The following ZBTB25 variants were observed in gnomAD, a reference collection of about 807,000 sequenced individuals.
ZBTB25 encodes the protein zinc finger and BTB domain containing 25.
A neutral mutation model predicts 34.2 loss-of-function variants in ZBTB25; 20 were observed. That is an observed-to-expected ratio of 0.58 (90% CI 0.41 to 0.85). The LOEUF (loss-of-function observed/expected upper bound fraction) is 0.85, where lower values mean the gene tolerates loss of function less well. ZBTB25 is among the 40% of genes least tolerant of loss of function. The pLI is 0.00. For missense variants in ZBTB25, 437 were observed against 521.8 expected, an observed-to-expected ratio of 0.84 and a Z score of 1.58; for synonymous variants, 175 against 186.4, an observed-to-expected ratio of 0.94 and a Z score of 0.50.
intron 2 of ZBTB25, among the ~76,000 whole-genome samples, chr14:64,459,075 G>C (rs1158146658): frequency 2.0e-5 from 3 of 152,180 alleles, no homozygotes; most frequent in African/African-American, 7.2e-5. Context: ...GACAATGGAG[G>C]AGTGTCCTGT....
At chr14:64,500,892 A>T (rs1394313268) in intron 1 of ZBTB25, among the ~76,000 whole-genome samples, 1 of 152,154 alleles carries the variant, frequency 6.6e-6, no homozygotes, top group African/African-American at 2.4e-5. Flanking sequence ...CTCTACTAAA[A>T]ATACAAAAAT....
At chr14:64,494,647 A>T (rs1337773980) in intron 1 of ZBTB25, among the ~76,000 whole-genome samples, 3 of 152,158 alleles carry the variant, frequency 2.0e-5, no homozygotes, top group African/African-American at 7.2e-5. Flanking sequence ...ATAAAAAAAT[A>T]AAAATAAAGA....
At chr14:64,505,204 T>TA (rs200099822), upstream of ZBTB25, 3,295 of 307,544 alleles carry the variant, frequency 0.011, 24 homozygotes, top group Non-Finnish European at 0.014. Flanking sequence ...CCAAATTAGT[T>TA]ACCTTCTTTT....
chr14:64,472,834 A>C (rs1439463676), intron 2 of ZBTB25: 1 of 167,098 alleles, frequency 6.0e-6, no homozygotes, highest in African/African-American at 2.4e-5. Flanking sequence ...CGTTAAGTGA[A>C]TATAAATAAG....
intron 2 of ZBTB25, among the ~76,000 whole-genome samples, chr14:64,489,250 A>G (rs968060837): frequency 2.6e-5 from 4 of 152,114 alleles, no homozygotes; most frequent in African/African-American, 9.7e-5. Flanking sequence ...AGCCTGGGTG[A>G]CAGAGCTAGA....
chr14:64,504,646 C>A, upstream of ZBTB25: 1 of 329,508 alleles, frequency 3.0e-6, no homozygotes, highest in Admixed American at 4.9e-5. Flanking sequence ...GGTGGGCGGG[C>A]GAGAGGGAGG....
downstream of ZBTB25, among the ~76,000 whole-genome samples, chr14:64,477,666 G>T (rs2078732138): frequency 7.2e-5 from 11 of 152,138 alleles, no homozygotes; most frequent in South Asian, 2.3e-3. Context: ...ACCACTCCAG[G>T]TTCTTCAGGT....
chr14:64,456,206 GC>G (rs3842326), intron 2 of ZBTB25, among the ~76,000 whole-genome samples: 25,993 of 152,188 alleles, frequency 0.17, 2,568 homozygotes, highest in Non-Finnish European at 0.22. Context: ...GACACAGCCT[GC>G]CGAACTCAAG....
chr14:64,474,670 GCAAGA>G (rs1027989748), downstream of ZBTB25, among the ~76,000 whole-genome samples: 4 of 152,324 alleles, frequency 2.6e-5, no homozygotes, highest in South Asian at 2.1e-4. Flanking sequence ...CAGTCCTTCA[GCAAGA>G]CAAATATAAA....
chr14:64,469,664 AAT>A, intron 2 of ZBTB25: 1 of 1,583,452 alleles, frequency 6.3e-7, no homozygotes, highest in South Asian at 1.2e-5. Flanking sequence ...TAAAATAAAC[AAT>A]CTTCTACAGT....
At chr14:64,461,573 C>CTTTTTTTTTTTTTTTTTTTTTTT (rs10690989) in intron 2 of ZBTB25, 1 of 94,998 alleles carries the variant, frequency 1.1e-5, no homozygotes. Context: ...TTTTTTTTTC[C>CTTTTTTTTTTTTTTTTTTTTTTT]TTTTTTTTTT....
chr14:64,471,559 A>C (rs780362425), intron 2 of ZBTB25: 1 of 167,114 alleles, frequency 6.0e-6, no homozygotes, highest in Admixed American at 6.5e-5. Flanking sequence ...AATGATTGCC[A>C]TATTTTTTGA....
At chr14:64,500,172 G>T (rs984320867) in intron 1 of ZBTB25, among the ~76,000 whole-genome samples, 1 of 152,108 alleles carries the variant, frequency 6.6e-6, no homozygotes, top group Non-Finnish European at 1.5e-5. Context: ...AAGGACAGGA[G>T]AAAGATGGAA....
chr14:64,461,600 G>A (rs2078557041), intron 2 of ZBTB25: 1 of 145,880 alleles, frequency 6.9e-6, no homozygotes, highest in Non-Finnish European at 1.5e-5. Context: ...TTGGCAGGGG[G>A]GGTAGGGGGG....
chr14:64,465,553 G>C (rs1460653931), intron 2 of ZBTB25: 3 of 152,090 alleles, frequency 2.0e-5, no homozygotes, highest in East Asian at 1.9e-4. Context: ...CCTGGGCGGC[G>C]GGCCCCGCGA....
At chr14:64,472,640 G>C (rs926801398) in intron 2 of ZBTB25, 4 of 166,982 alleles carry the variant, frequency 2.4e-5, no homozygotes, top group African/African-American at 9.7e-5. Flanking sequence ...TTAGAAAAAG[G>C]AATTCCGAAA....
At chr14:64,467,996 T>G (rs747775147) in intron 2 of ZBTB25, 20 of 155,420 alleles carry the variant, frequency 1.3e-4, no homozygotes, top group Non-Finnish European at 2.3e-4. Context: ...ACCCCAATGT[T>G]TATTCTCCAG....
chr14:64,459,966 T>G (rs1452445702), intron 2 of ZBTB25: 2 of 1,501,782 alleles, frequency 1.3e-6, no homozygotes, highest in East Asian at 4.9e-5. Flanking sequence ...TCTGTTTACT[T>G]TAGTGACGTT....
intron 2 of ZBTB25, among the ~76,000 whole-genome samples, chr14:64,488,528 A>G (rs2078961429): frequency 1.3e-5 from 2 of 152,234 alleles, no homozygotes; most frequent in Admixed American, 1.3e-4. Flanking sequence ...AGTGTTCACC[A>G]AAAGATGAGT....
Sources: gnomAD v4.1 joint callset for allele counts (sites outside exome capture counted in the v4.1 genomes callset) on GRCh38, gnomAD v4.1.1 for gene constraint, MANE v1.5 for transcripts, NCBI Gene and HGNC (gene_info 2026-07-23, HGNC 2026-07-21) for gene names.